The following B4GALNT3 variants were observed in gnomAD, a reference collection of about 807,000 sequenced individuals.
The protein encoded by B4GALNT3 is beta-1,4-N-acetyl-galactosaminyltransferase 3.
B4GALNT3 carries 86 observed loss-of-function variants against 120.2 expected under a neutral mutation model. The observed-to-expected ratio is 0.72, with a 90% CI of 0.60 to 0.86. B4GALNT3 has a LOEUF of 0.86. Among genes scored for constraint, B4GALNT3 ranks in the 40% least tolerant of loss-of-function variants. The probability of loss-of-function intolerance (pLI) is 0.00; values close to 1 mark genes in which losing one functional copy is unlikely to be tolerated. For synonymous variants in B4GALNT3, 518 were observed against 510.4 expected (o/e 1.01, Z -0.20); for missense variants, 1,167 against 1,298.9 (o/e 0.90, Z 1.56).
At chr12:507,436 G>C (rs1193686994) in intron 1 of B4GALNT3, among the ~76,000 whole-genome samples, 1 of 152,180 alleles carries the variant, frequency 6.6e-6, no homozygotes, top group African/African-American at 2.4e-5. Context: ...GGTGCTGTCT[G>C]GTGGATTAGA....
intron 1 of B4GALNT3, among the ~76,000 whole-genome samples, chr12:516,162 A>T (rs2120605817): frequency 6.6e-6 from 1 of 152,218 alleles, no homozygotes; most frequent in East Asian, 1.9e-4. Flanking sequence ...AAAAAAAAAA[A>T]TCCTGCTTTC....
rs76885323 is a variant in B4GALNT3 at position 492,564 on chromosome 12, C to A, written c.169+32019C>A. ...CCCAACTTGATCTACAGACTCAATG[C>A]AATCCCAATCAAAACCCCAGCAAGT... On this transcript the variant is annotated intron_variant, in intron 1 of 19. Transcript: ENST00000266383. Among the ~76,000 whole-genome samples, 114 of 152,300 alleles carry A rather than the reference C, an allele frequency of 7.5e-4. 4 individuals carry two copies. The East Asian group carries it at 0.021, about 29-fold the overall frequency.
At chr12:487,298 G>T (rs1488915116) in intron 1 of B4GALNT3, among the ~76,000 whole-genome samples, 1 of 152,178 alleles carries the variant, frequency 6.6e-6, no homozygotes, top group African/African-American at 2.4e-5. Flanking sequence ...CCAAATTAAT[G>T]ATAAACACCA....
chr12:512,620 G>GCCTTCCACCTTCCGCCTTCCACCTTCCA (rs1946599400), intron 1 of B4GALNT3, among the ~76,000 whole-genome samples: 1 of 59,694 alleles, frequency 1.7e-5, no homozygotes, highest in Non-Finnish European at 3.0e-5. Flanking sequence ...TCCACCTTCC[G>GCCTTCCACCTTCCGCCTTCCACCTTCCA]CCTTCCACCT....
intron 17 of B4GALNT3, 98 bp from the exon 18 acceptor site, chr12:558,410 C>A: frequency 3.4e-6 from 4 of 1,189,986 alleles, no homozygotes; most frequent in Non-Finnish European, 3.6e-6. Flanking sequence ...TTGTGAATCA[C>A]TCCAATAGGG....
chr12:511,208 G>GT (rs958423664), intron 1 of B4GALNT3, among the ~76,000 whole-genome samples: 4 of 149,870 alleles, frequency 2.7e-5, no homozygotes, highest in Non-Finnish European at 4.5e-5. Context: ...TTTGTTTTTT[G>GT]TTTTTTTTGG....
At chr12:561,164 A>G (rs1947226980) in intron 19 of B4GALNT3, among the ~76,000 whole-genome samples, 179 bp from the exon 20 acceptor site, 1 of 152,166 alleles carries the variant, frequency 6.6e-6, no homozygotes, top group Non-Finnish European at 1.5e-5. Context: ...GGCGTGACAT[A>G]CCCAGTCATG....
intron 1 of B4GALNT3, among the ~76,000 whole-genome samples, chr12:485,019 C>T (rs1010811399): frequency 2.0e-5 from 3 of 152,128 alleles, no homozygotes; most frequent in African/African-American, 7.2e-5. Context: ...ACAAAATATA[C>T]ACGTCACACA....
At chr12:505,164 G>T (rs11063317) in intron 1 of B4GALNT3, among the ~76,000 whole-genome samples, 52,774 of 151,902 alleles carry the variant, frequency 0.35, 10,696 homozygotes, top group Non-Finnish European at 0.46. Context: ...CGTGCTGGGA[G>T]TACAGGCGTG....
At chr12:557,500 AGGTCCGAT>A in intron 15 of B4GALNT3, 100 bp from the exon 16 acceptor site, 1 of 1,133,664 alleles carries the variant, frequency 8.8e-7, no homozygotes, top group Non-Finnish European at 1.3e-6. Flanking sequence ...CCCTCAGCCG[AGGTCCGAT>A]GGGCACTCCT....
intron 1 of B4GALNT3, among the ~76,000 whole-genome samples, chr12:490,563 C>G (rs1460898141): frequency 6.6e-6 from 1 of 152,078 alleles, no homozygotes; most frequent in Non-Finnish European, 1.5e-5. Flanking sequence ...AACCCCATCT[C>G]TGCAAAAAAT....
In B4GALNT3 at chr12:562,077, T is replaced by C. The variant is rs12311862; in HGVS notation, c.*626T>C. On this transcript the variant is annotated 3_prime_UTR_variant, in exon 20 of 20. Transcript: ENST00000266383. This position sits in a 1 kb window ranked among gnomAD's most constrained non-coding sequence, Gnocchi z 5.2. ...CATCTCCCAGTAGCCACCAAACAGC[T>C]GGCCACTGATTAGGGCATTAACTTC... 0.27 allele frequency: 41,522 copies of C among 152,200 alleles called. 5,966 individuals carry two copies. The highest frequency in any genetic ancestry group is 0.49 in the East Asian group (2,532 of 5,156). 9.4% of individuals were successfully genotyped at this position (152,200 alleles called of 1,614,324 possible).
intron 1 of B4GALNT3, among the ~76,000 whole-genome samples, chr12:525,612 T>C (rs914095703): frequency 1.3e-5 from 2 of 152,184 alleles, no homozygotes; most frequent in South Asian, 4.1e-4. Context: ...CCTCCAACTA[T>C]GGAAACCGCC....
chr12:498,807 A>G (rs1232643423), intron 1 of B4GALNT3, among the ~76,000 whole-genome samples: 1 of 152,232 alleles, frequency 6.6e-6, no homozygotes, highest in Non-Finnish European at 1.5e-5. Flanking sequence ...CTGGACAGCC[A>G]GGGGCTTTCA....
intron 1 of B4GALNT3, among the ~76,000 whole-genome samples, chr12:521,949 T>C (rs1234650506): frequency 6.7e-6 from 1 of 149,454 alleles, no homozygotes; most frequent in Non-Finnish European, 1.5e-5. Context: ...AGAGCCCTAC[T>C]CCAGGCCCGC....
At chr12:501,040 A>AT (rs1383549493) in intron 1 of B4GALNT3, among the ~76,000 whole-genome samples, 28 of 139,208 alleles carry the variant, frequency 2.0e-4, no homozygotes, top group African/African-American at 8.1e-4. Flanking sequence ...CTCCCGGCTA[A>AT]TTTTTGTACT....
At chr12:465,423 A>G (rs532800726) in intron 1 of B4GALNT3, among the ~76,000 whole-genome samples, 1 of 152,302 alleles carries the variant, frequency 6.6e-6, no homozygotes, top group Non-Finnish European at 1.5e-5. Context: ...CCAAGAATAG[A>G]ACCTAGGAAT....
At chr12:494,303 A>AG (rs1472019634) in intron 1 of B4GALNT3, among the ~76,000 whole-genome samples, 1 of 151,314 alleles carries the variant, frequency 6.6e-6, no homozygotes, top group Non-Finnish European at 1.5e-5. Context: ...GAAAAAAAAA[A>AG]AAAAGCAAGA....
Position 460,184 on chromosome 12 carries a change from C to G in B4GALNT3, c.-193C>G, listed in dbSNP as rs956137092. Among the ~76,000 whole-genome samples, 4 of 150,580 alleles carry G rather than the reference C, an allele frequency of 2.7e-5. No homozygotes were observed. Among genetic ancestry groups the G allele is most frequent in the Non-Finnish European group, 5.9e-5 (4 of 67,312 alleles). On this transcript the variant is annotated 5_prime_UTR_variant, in exon 1 of 20. Coordinates refer to ENST00000266383, the MANE Select transcript of B4GALNT3 (RefSeq NM_173593.4). This position sits in a 1 kb window ranked among gnomAD's most constrained non-coding sequence, Gnocchi z 8.0. ...CCCGGAGAGACCTGCTGGGCGCCCG[C>G]GCAGCCCGGAGACCCCTCGCGCCCG...
Sources: gnomAD v4.1 joint callset for allele counts (sites outside exome capture counted in the v4.1 genomes callset) on GRCh38, gnomAD v4.1.1 for gene constraint, Gnocchi (gnomAD v3.1) non-coding constraint, MANE v1.5 for transcripts, NCBI Gene and HGNC (gene_info 2026-07-23, HGNC 2026-07-21) for gene names.